Variants in PRKCE observed in about 807,000 individuals in gnomAD.
PRKCE encodes the protein protein kinase C epsilon type.
A neutral mutation model predicts 85.4 loss-of-function variants in PRKCE; 16 were observed. The ratio of observed to expected loss-of-function variants is 0.19; its 90% CI spans 0.13 to 0.28. The LOEUF is 0.28. Ranked by LOEUF, PRKCE falls within the 10% of genes least tolerant of loss-of-function variation. The pLI, the probability that PRKCE is intolerant of heterozygous loss-of-function variation, is 1.00. For synonymous variants in PRKCE, 388 were observed against 371.5 expected (o/e 1.04, Z -0.51); for missense variants, 573 against 975.2 (o/e 0.59, Z 5.49).
chr2:46,174,763 T>C (rs1273202522), intron 14 of PRKCE, among the ~76,000 whole-genome samples: 1 of 152,130 alleles, frequency 6.6e-6, no homozygotes, highest in Non-Finnish European at 1.5e-5. Context: ...ATCTTGGCTC[T>C]CTTGCAACCT....
chr2:45,764,109 T>A (rs1369745506), intron 1 of PRKCE, among the ~76,000 whole-genome samples: 3 of 151,972 alleles, frequency 2.0e-5, no homozygotes, highest in African/African-American at 7.3e-5. Flanking sequence ...ACCCCAGGAG[T>A]TCTTGTTATC....
intron 1 of PRKCE, among the ~76,000 whole-genome samples, chr2:45,818,691 G>A (rs567825156): frequency 1.2e-4 from 18 of 152,280 alleles, no homozygotes; most frequent in African/African-American, 3.6e-4. Flanking sequence ...CTCTGGCTTC[G>A]GGGGAGAGTG....
intron 2 of PRKCE, among the ~76,000 whole-genome samples, chr2:45,957,069 T>G (rs1286953987): frequency 1.3e-5 from 2 of 152,238 alleles, no homozygotes; most frequent in African/African-American, 4.8e-5. Context: ...TGCAAATATT[T>G]TTTCCCATTT....
At chr2:46,079,381 T>C (rs1331873922) in intron 10 of PRKCE, among the ~76,000 whole-genome samples, 2 of 152,186 alleles carry the variant, frequency 1.3e-5, no homozygotes. Context: ...TTTCCATGAT[T>C]TCCTGTCTTC....
rs185063009 is a variant in PRKCE, at chr2:45,672,976, A to G, written c.348+20528A>G. Among the ~76,000 whole-genome samples, 8 of 152,296 alleles carry G rather than the reference A, an allele frequency of 5.3e-5. No homozygotes were observed. In the East Asian group the frequency reaches 1.5e-3, roughly 29 times the overall value. ...CAGGAGTTTGAGGCTGTGGTGAGCT[A>G]TGATGGCACCACTCTACTCCAGCCT... On this transcript the variant is annotated intron_variant, in intron 1 of 14. Coordinates refer to ENST00000306156, the MANE Select transcript of PRKCE (RefSeq NM_005400.3).
At chr2:46,123,283 TA>T (rs150727063) in intron 11 of PRKCE, among the ~76,000 whole-genome samples, 7,595 of 119,920 alleles carry the variant, frequency 0.063, 301 homozygotes, top group Middle Eastern at 0.14. Flanking sequence ...AGTAAAGAGA[TA>T]AGCAAAGCAC....
At chr2:45,748,440 T>C (rs550010232) in intron 1 of PRKCE, among the ~76,000 whole-genome samples, 1 of 152,216 alleles carries the variant, frequency 6.6e-6, no homozygotes. Flanking sequence ...GTGTTGCTCA[T>C]CACTCTTCTT....
intron 1 of PRKCE, among the ~76,000 whole-genome samples, chr2:45,785,500 T>TAAA (rs11423618): frequency 4.1e-4 from 55 of 135,752 alleles, no homozygotes; most frequent in African/African-American, 1.3e-3. Flanking sequence ...AAAAAAAGAA[T>TAAA]AAAAAAAAAA....
At chr2:45,800,224 G>A (rs1687749783) in intron 1 of PRKCE, among the ~76,000 whole-genome samples, 1 of 152,250 alleles carries the variant, frequency 6.6e-6, no homozygotes. Flanking sequence ...AGGCTACAAG[G>A]TTGCTGGGTC....
intron 1 of PRKCE, among the ~76,000 whole-genome samples, chr2:45,705,975 T>C (rs1035337911): frequency 6.6e-6 from 1 of 152,196 alleles, no homozygotes; most frequent in African/African-American, 2.4e-5. Context: ...CGGAGCTCTG[T>C]GTCTGGCTCT....
chr2:45,783,352 CT>C (rs1186526449), intron 1 of PRKCE, among the ~76,000 whole-genome samples: 1 of 152,210 alleles, frequency 6.6e-6, no homozygotes, highest in Non-Finnish European at 1.5e-5. Flanking sequence ...ATAAAAATCA[CT>C]GTGTGCACTT....
chr2:45,726,536 T>C (rs759502947), intron 1 of PRKCE, among the ~76,000 whole-genome samples: 7 of 152,202 alleles, frequency 4.6e-5, no homozygotes, highest in Non-Finnish European at 1.0e-4. Context: ...TCAATTAAAG[T>C]ATGTACATTT....
intron 2 of PRKCE, among the ~76,000 whole-genome samples, chr2:45,869,661 G>T (rs1278799296): frequency 2.0e-5 from 3 of 150,428 alleles, no homozygotes; most frequent in African/African-American, 4.9e-5. Context: ...TGGCCCCAAG[G>T]TCTGTTACAT....
chr2:45,959,867 G>A (rs775959640), intron 2 of PRKCE, among the ~76,000 whole-genome samples: 7 of 152,192 alleles, frequency 4.6e-5, no homozygotes, highest in Non-Finnish European at 7.3e-5. Flanking sequence ...GTTGTGGTGT[G>A]AGAGGGAGTT....
At chr2:46,031,695 T>G (rs538325490) in intron 10 of PRKCE, among the ~76,000 whole-genome samples, 1 of 151,396 alleles carries the variant, frequency 6.6e-6, no homozygotes, top group Admixed American at 6.6e-5. Flanking sequence ...CCTGTGGCAG[T>G]GATGGTAATG....
At chr2:45,858,374 G>GT (rs1558759632) in intron 2 of PRKCE, among the ~76,000 whole-genome samples, 17 of 141,018 alleles carry the variant, frequency 1.2e-4, no homozygotes, top group African/African-American at 3.5e-4. Context: ...GAAATGATGG[G>GT]GTTTTTTTTT....
chr2:45,693,696 T>C (rs894311092), intron 1 of PRKCE, among the ~76,000 whole-genome samples: 2 of 151,998 alleles, frequency 1.3e-5, no homozygotes, highest in Non-Finnish European at 2.9e-5. Flanking sequence ...AGAATCCAAA[T>C]TGCAAGAGGT....
chr2:45,899,028 C>T (rs1696368072), intron 2 of PRKCE, among the ~76,000 whole-genome samples: 1 of 152,214 alleles, frequency 6.6e-6, no homozygotes, highest in Non-Finnish European at 1.5e-5. Context: ...TGTGCCAAGC[C>T]CTGTGCTAGA....
chr2:45,900,764 C>G (rs1696515886), intron 2 of PRKCE, among the ~76,000 whole-genome samples: 1 of 152,114 alleles, frequency 6.6e-6, no homozygotes, highest in African/African-American at 2.4e-5. Flanking sequence ...CCATTTTAAC[C>G]ACGTTTGTGT....
Sources: gnomAD v4.1 joint callset for allele counts (sites outside exome capture counted in the v4.1 genomes callset) on GRCh38, gnomAD v4.1.1 for gene constraint, MANE v1.5 for transcripts, NCBI Gene and HGNC (gene_info 2026-07-23, HGNC 2026-07-21) for gene names.